Variants in ZNF99 observed in about 807,000 individuals in gnomAD.
ZNF99 encodes the protein zinc finger protein ENSP00000375192.
In ZNF99, 8 loss-of-function variants were observed where a neutral mutation model predicts 12.8. The observed-to-expected ratio is 0.62, with a 90% confidence interval of 0.37 to 1.13. The LOEUF (loss-of-function observed/expected upper bound fraction) is 1.13, where lower values mean the gene tolerates loss of function less well. Among genes scored for constraint, ZNF99 ranks in the 50% most tolerant of loss-of-function variants. ZNF99 has a pLI of 0.02. For synonymous variants in ZNF99, 318 were observed against 319.0 expected (o/e 1.00, Z 0.03); for missense variants, 1,007 against 1,006.2 (o/e 1.00, Z -0.01).
chr19:22,752,679 A>G lies in ZNF99; in HGVS notation c.*4635T>C, dbSNP rs1972985219. On this transcript the variant is annotated 3_prime_UTR_variant, in exon 4 of 4. Coordinates refer to ENST00000596209, the MANE Select transcript of ZNF99 (RefSeq NM_001080409.3). ...GGGATAGGTTAAAGCGAGTGGCATA[A>G]TAACACTTCATTGAATGTACAACAG... The G allele has an allele frequency of 2.6e-5, 4 of 152,144 alleles. No homozygotes were observed. In the South Asian group the frequency reaches 8.3e-4, roughly 31 times the overall value. 9.4% of individuals were successfully genotyped at this position (152,144 alleles called of 1,614,324 possible).
chr19:22,767,744 AT>A (rs1329418972), intron 3 of ZNF99, among the ~76,000 whole-genome samples: 1 of 152,198 alleles, frequency 6.6e-6, no homozygotes, highest in African/African-American at 2.4e-5. Context: ...TGTAGATAAC[AT>A]TATGGACTGT....
At chr19:22,759,889 G>GTC (rs1352337738) in intron 3 of ZNF99, among the ~76,000 whole-genome samples, 2 of 152,194 alleles carry the variant, frequency 1.3e-5, no homozygotes, top group African/African-American at 4.8e-5. Flanking sequence ...TAAGTTAAGT[G>GTC]TGTAGAGTGC....
chr19:22,764,821 T>A (rs1241754253), intron 3 of ZNF99, among the ~76,000 whole-genome samples: 4 of 150,440 alleles, frequency 2.7e-5, no homozygotes, highest in South Asian at 2.1e-4. Flanking sequence ...TAATAAAAAA[T>A]AAATAAATAA....
chr19:22,761,602 T>C (rs1353929984), intron 3 of ZNF99, among the ~76,000 whole-genome samples: 1 of 151,976 alleles, frequency 6.6e-6, no homozygotes, highest in African/African-American at 2.4e-5. Flanking sequence ...AGTCAACAAA[T>C]AAAAAATGGA....
rs1163479083 is a variant in ZNF99 at position 22,757,391 on chromosome 19, T to C, written c.2518A>G (p.Met840Val). 3 of 1,575,552 alleles carry C rather than the reference T, an allele frequency of 1.9e-6. No individual in the cohort carries two copies. The highest frequency in any genetic ancestry group is 2.3e-5 in the East Asian group (1 of 43,528). ...SKLTLHKVIHMERNPANVKNV... is the reference protein window; with the variant it reads ...SKLTLHKVIHVERNPANVKNV... ...TTCACATTTGCAGGGTTTCTCTCCATATGAATTACCTTATGTAAAGTAAGT... is the reference window on the plus strand; with the variant it reads ...TTCACATTTGCAGGGTTTCTCTCCACATGAATTACCTTATGTAAAGTAAGT... The change falls in exon 4 of 4, where the codon ATG (methionine) becomes GTG (valine). Residue 840 changes from methionine (M) to valine (V), a missense_variant. By Grantham distance (21) the Met-to-Val change is conservative. Transcript: ENST00000596209.
chr19:22,760,526 C>T (rs1482007857), intron 3 of ZNF99, among the ~76,000 whole-genome samples: 7 of 152,064 alleles, frequency 4.6e-5, no homozygotes, highest in South Asian at 2.1e-4. Context: ...GGGCAGATCA[C>T]GAGGTCAGGA....
At position 22,759,192 on chromosome 19, in the gene ZNF99, G is replaced by C; in HGVS notation, c.717C>G (p.Asn239Lys). 1 of 1,584,190 alleles carries C rather than the reference G, an allele frequency of 6.3e-7. No individual in the cohort carries two copies. Among genetic ancestry groups the C allele is most frequent in the Non-Finnish European group, 8.6e-7 (1 of 1,164,756 alleles). ...TACATTTAGTGAACATTGAAGAGAT[G>C]TTAAAAGCTTTGCCACATTTCTTAT... ...YKYKKCGKAFNISSMFTKCKI... is the reference protein window; with the variant it reads ...YKYKKCGKAFKISSMFTKCKI... The change falls in exon 4 of 4, where the codon AAC (asparagine) becomes AAG (lysine). Residue 239 changes from asparagine to lysine, a missense_variant. Coordinates refer to ENST00000596209, the MANE Select transcript of ZNF99 (RefSeq NM_001080409.3).
intron 1 of ZNF99, chr19:22,770,489 T>G (rs1973255809): frequency 6.6e-6 from 1 of 152,478 alleles, no homozygotes; most frequent in African/African-American, 2.4e-5. Context: ...CCCGGGTAGC[T>G]GGGACTACAG....
rs1973072549 is a variant in ZNF99 at position 22,757,118 on chromosome 19, C to G, written c.*196G>C. The stretch of plus-strand genomic sequence containing the variant: ...GTTAAAAGCTTTTCCACATTCTCCA[C>G]ATTTGTAGGGCTTCTCCCCAGTATG... On this transcript the variant is annotated 3_prime_UTR_variant, in exon 4 of 4. Transcript: ENST00000596209. 1 of 1,612,564 alleles carries G rather than the reference C, an allele frequency of 6.2e-7. No individual in the cohort carries two copies. Among genetic ancestry groups the G allele is most frequent in the African/African-American group, 1.3e-5 (1 of 74,876 alleles).
rs1379198738 is a variant in ZNF99 at position 22,756,287 on chromosome 19, T to C, written c.*1027A>G. ...AAAAGCTTTGCCACATTCTTCACAT[T>C]TGTAGGTTTTCCCTCCAGTATGAAT... On this transcript the variant is annotated 3_prime_UTR_variant, in exon 4 of 4. Coordinates refer to ENST00000596209, the MANE Select transcript of ZNF99 (RefSeq NM_001080409.3). 1.3e-6 allele frequency: 2 copies of C among 1,575,098 alleles called. 1 individual carries two copies. Among genetic ancestry groups the C allele is most frequent in the Non-Finnish European group, 1.7e-6 (2 of 1,160,070 alleles).
In ZNF99 at chr19:22,768,799, G is replaced by A. The variant is rs369171534; in HGVS notation, c.130+399C>T. 5.3e-5 allele frequency among the ~76,000 whole-genome samples: 8 copies of A among 152,148 alleles called. No homozygotes were observed. In the South Asian group the frequency reaches 6.2e-4, roughly 12 times the overall value. ...TATAATCCCAGCACTTTGAGAGGCC[G>A]AGGCAGGTGGATCACCTGAGGTCAG... On this transcript the variant is annotated intron_variant, in intron 2 of 3. Transcript: ENST00000596209.
Position 22,759,553 on chromosome 19 carries a change from C to G in ZNF99, c.356G>C (p.Ser119Thr), listed in dbSNP as rs1275658766. The change falls in exon 4 of 4, where the codon AGT (serine) becomes ACT (threonine). Residue 119 changes from serine (S) to threonine (T), a missense_variant. Physicochemically the swap from Ser to Thr is moderately conservative, Grantham distance 58. Transcript: ENST00000596209. ...TTCGTGCATCTTACCCTCATTGACA[C>G]TTTCACAATCTTTTCTTAATCGTAA... ...KNLRLRKDCESVNEGKMHEEA... is the reference protein window; with the variant it reads ...KNLRLRKDCETVNEGKMHEEA... 6.2e-7 allele frequency: 1 copy of G among 1,611,844 alleles called. No homozygotes were observed. The highest frequency in any genetic ancestry group is 1.7e-5 in the Admixed American group (1 of 59,756).
Position 22,755,838 on chromosome 19 carries a change from G to A in ZNF99, c.*1476C>T. 1 of 325,478 alleles carries A rather than the reference G, an allele frequency of 3.1e-6. No homozygotes were observed. Among genetic ancestry groups the A allele is most frequent in the South Asian group, 2.9e-5 (1 of 34,470 alleles). 20.2% of individuals were successfully genotyped at this position (325,478 alleles called of 1,614,324 possible). Reference sequence around the variant, plus strand: ...TACATTCAGTAAGATTTGAGGACCAGTTAAAAGCTTTGCCATATTATTCAC... The same window carrying A: ...TACATTCAGTAAGATTTGAGGACCAATTAAAAGCTTTGCCATATTATTCAC... On this transcript the variant is annotated 3_prime_UTR_variant, in exon 4 of 4. Coordinates refer to ENST00000596209, the MANE Select transcript of ZNF99 (RefSeq NM_001080409.3).
Position 22,753,484 on chromosome 19 carries a change from A to G in ZNF99, c.*3830T>C, listed in dbSNP as rs1973000269. On this transcript the variant is annotated 3_prime_UTR_variant, in exon 4 of 4. Coordinates refer to ENST00000596209, the MANE Select transcript of ZNF99 (RefSeq NM_001080409.3). ...ATAAACTTTTTTCCAAATTTATTAC[A>G]TTTGCAGGTTTTTTTCTCTATTATA... The G allele has an allele frequency of 6.6e-6, 1 of 152,050 alleles. No individual in the cohort carries two copies. The highest frequency in any genetic ancestry group is 1.5e-5 in the Non-Finnish European group (1 of 67,976). The allele number at this position is 152,050 out of a possible 1,614,324, so 9.4% of individuals were successfully genotyped here. A position where few individuals can be genotyped will look rare whatever the true frequency, so the allele number is the denominator to read the frequency against.
Position 22,783,008 on chromosome 19 carries a change from G to A in ZNF99, c.3+1006C>T, listed in dbSNP as rs1599452020. Among the ~76,000 whole-genome samples, 2 of 152,210 alleles carry A rather than the reference G, an allele frequency of 1.3e-5. 1 individual carries two copies. On this transcript the variant is annotated intron_variant, in intron 1 of 3. Coordinates refer to ENST00000596209, the MANE Select transcript of ZNF99 (RefSeq NM_001080409.3). ...TAAAAAATCTAATTCGGCCGGACGC[G>A]GTGGCTCATGTCTGTGATCCCAGCA... is the stretch of plus-strand genomic sequence containing the variant.
rs1230236233 is a variant in ZNF99, at chr19:22,772,400, G to A, written c.4-3076C>T. On this transcript the variant is annotated intron_variant, in intron 1 of 3. Transcript: ENST00000596209. Reference sequence around the variant, plus strand: ...GAATACATAGTGCAAAAAACAAAAAGAAGGTCGGGTACGGTGGCTTGCGCC... The same window carrying A: ...GAATACATAGTGCAAAAAACAAAAAAAAGGTCGGGTACGGTGGCTTGCGCC... Among the ~76,000 whole-genome samples the A allele has an allele frequency of 2.0e-5, 3 of 152,194 alleles. No homozygotes were observed. The South Asian group carries it at 6.2e-4, about 31-fold the overall frequency.
chr19:22,758,422 AGTT>A lies in ZNF99; in HGVS notation c.1484_1486del (p.Lys495_Leu496delinsIle). On this transcript the variant is annotated inframe_deletion, in exon 4 of 4. Transcript: ENST00000596209. ...CATATGAATTACCTTATGTACAGTAAGTTTTGAGGACCACTTAAAAGCTTTACC... is the reference window on the plus strand; with the variant it reads ...CATATGAATTACCTTATGTACAGTAATTGAGGACCACTTAAAAGCTTTACC... 6.2e-7 allele frequency: 1 copy of A among 1,604,694 alleles called. No individual in the cohort carries two copies. The highest frequency in any genetic ancestry group is 8.5e-7 in the Non-Finnish European group (1 of 1,173,794).
rs768086849 is a variant in ZNF99, at chr19:22,757,238, T to G, written c.*76A>C. ...TTTCTTCCCAGTATAAATTATCTTA[T>G]GTTTCCTAAGGGTTGAGGAATTGTT... On this transcript the variant is annotated 3_prime_UTR_variant, in exon 4 of 4. Transcript: ENST00000596209. 7 of 1,588,148 alleles carry G rather than the reference T, an allele frequency of 4.4e-6. No homozygotes were observed. In the Admixed American group the frequency reaches 8.5e-5, roughly 19 times the overall value.
chr19:22,758,722 G>A lies in ZNF99; in HGVS notation c.1187C>T (p.Pro396Leu). The A allele has an allele frequency of 1.2e-6, 2 of 1,613,572 alleles. No individual in the cohort carries two copies. Among genetic ancestry groups the A allele is most frequent in the Non-Finnish European group, 1.7e-6 (2 of 1,179,764 alleles). The change falls in exon 4 of 4, where the codon CCC (proline) becomes CTC (leucine). Residue 396 changes from proline to leucine, a missense_variant. Pro to Leu is a moderately conservative substitution (Grantham distance 98). Coordinates refer to ENST00000596209, the MANE Select transcript of ZNF99 (RefSeq NM_001080409.3). Reference protein sequence around the residue: ...KHEIIHTGQKPYKCEECGKAF... With the variant: ...KHEIIHTGQKLYKCEECGKAF... ...TTTACCACATTCTTCACATTTGTAG[G>A]GTTTCTGTCCAGTATGAATTATCTC... is the stretch of plus-strand genomic sequence containing the variant.
Sources: allele counts gnomAD v4.1 joint callset (sites outside exome capture counted in the v4.1 genomes callset), GRCh38; gene constraint gnomAD v4.1.1; transcripts MANE v1.5; gene names NCBI Gene and HGNC (gene_info 2026-07-23, HGNC 2026-07-21).